NCALD: variants seen among roughly 807,000 people sequenced by gnomAD.
The protein encoded by NCALD is neurocalcin-delta.
In NCALD, 10 loss-of-function variants were observed where a neutral mutation model predicts 18.6. The observed-to-expected ratio is 0.54, with a 90% CI of 0.33 to 0.91. The LOEUF (loss-of-function observed/expected upper bound fraction) is 0.91, where lower values mean the gene tolerates loss of function less well. NCALD is among the 40% of genes least tolerant of loss of function. The probability of loss-of-function intolerance (pLI) is 0.03; values close to 1 mark genes in which losing one functional copy is unlikely to be tolerated. For missense variants in NCALD, 184 were observed against 247.6 expected (o/e 0.74, Z 1.72); for synonymous variants, 88 against 87.4 (o/e 1.01, Z -0.04).
intron 3 of NCALD, chr8:101,691,107 G>C: frequency 1.0e-6 from 1 of 985,292 alleles, no homozygotes; most frequent in Non-Finnish European, 1.2e-6. Flanking sequence ...CTCTGCTCTC[G>C]GCAGGGAGGG....
chr8:101,988,918 A>AAAC (rs1390679858), intron 2 of NCALD, among the ~76,000 whole-genome samples: 3 of 151,504 alleles, frequency 2.0e-5, no homozygotes, highest in African/African-American at 7.3e-5. Context: ...AAAAAAAAAA[A>AAAC]AAAAAACAGA....
intron 3 of NCALD, among the ~76,000 whole-genome samples, chr8:101,913,475 A>G (rs971113225): frequency 6.6e-6 from 1 of 152,218 alleles, no homozygotes. Flanking sequence ...CAAAATATCA[A>G]AATTCTTTTA....
intron 4 of NCALD, among the ~76,000 whole-genome samples, chr8:101,817,597 T>G (rs1586570341): frequency 6.7e-6 from 1 of 149,680 alleles, no homozygotes; most frequent in South Asian, 2.1e-4. Flanking sequence ...GGAAAGAGAC[T>G]GAATTGATAG....
chr8:101,941,160 C>T (rs1045732989), intron 2 of NCALD, among the ~76,000 whole-genome samples: 4 of 152,182 alleles, frequency 2.6e-5, no homozygotes, highest in African/African-American at 9.6e-5. Context: ...GACCAGTGGT[C>T]CCCAACCTTT....
chr8:102,061,593 T>C (rs1158650502), intron 1 of NCALD, among the ~76,000 whole-genome samples: 1 of 152,038 alleles, frequency 6.6e-6, no homozygotes, highest in Non-Finnish European at 1.5e-5. Flanking sequence ...CTCCATGAAA[T>C]AAGAAATGTG....
intron 3 of NCALD, among the ~76,000 whole-genome samples, chr8:101,901,103 C>T (rs914178489): frequency 3.9e-5 from 6 of 151,932 alleles, no homozygotes; most frequent in African/African-American, 1.2e-4. Flanking sequence ...TATAATATCT[C>T]TCTCTGTCCT....
intron 1 of NCALD, among the ~76,000 whole-genome samples, chr8:101,750,952 C>T (rs989596071): frequency 2.0e-5 from 3 of 152,122 alleles, no homozygotes; most frequent in African/African-American, 7.2e-5. Flanking sequence ...TAGGGTATAT[C>T]GCCTAAAAGG....
chr8:102,039,188 C>A (rs1586963060), intron 1 of NCALD, among the ~76,000 whole-genome samples: 1 of 152,128 alleles, frequency 6.6e-6, no homozygotes, highest in South Asian at 2.1e-4. Flanking sequence ...GAGGACCTAG[C>A]TAGCCTGTGC....
chr8:101,816,807 GATT>G (rs1813515429), intron 4 of NCALD, among the ~76,000 whole-genome samples: 1 of 152,252 alleles, frequency 6.6e-6, no homozygotes, highest in Admixed American at 6.5e-5. Context: ...GACTTTGGGT[GATT>G]ATGTGTCAAA....
At chr8:102,095,138 G>A (rs996368802) in intron 1 of NCALD, among the ~76,000 whole-genome samples, 6 of 152,178 alleles carry the variant, frequency 3.9e-5, no homozygotes, top group African/African-American at 1.4e-4. Context: ...ATAAAGTGAG[G>A]CCCATGTCAC....
intron 1 of NCALD, among the ~76,000 whole-genome samples, chr8:102,043,062 T>G (rs1823109672): frequency 6.6e-6 from 1 of 151,876 alleles, no homozygotes; most frequent in South Asian, 2.1e-4. Context: ...CAGCTGAGAT[T>G]TATCTTCAAT....
At chr8:101,768,715 C>CAAAAAA in intron 1 of NCALD, among the ~76,000 whole-genome samples, 1 of 33,398 alleles carries the variant, frequency 3.0e-5, no homozygotes, top group Non-Finnish European at 7.2e-5. Context: ...TCTCAAAAAA[C>CAAAAAA]AAAAAAACAA....
At chr8:102,109,303 T>G (rs1212261561) in intron 1 of NCALD, among the ~76,000 whole-genome samples, 1 of 151,896 alleles carries the variant, frequency 6.6e-6, no homozygotes, top group Non-Finnish European at 1.5e-5. Flanking sequence ...ATGAAAGGTT[T>G]TTTTTTTTTA....
intron 1 of NCALD, among the ~76,000 whole-genome samples, chr8:101,761,294 A>G (rs1034425876): frequency 2.0e-5 from 3 of 152,228 alleles, no homozygotes; most frequent in Non-Finnish European, 2.9e-5. Context: ...TGCTTTAACG[A>G]GGCATCCAAT....
intron 1 of NCALD, among the ~76,000 whole-genome samples, chr8:102,092,370 T>C (rs1160750983): frequency 6.6e-6 from 1 of 152,246 alleles, no homozygotes; most frequent in East Asian, 1.9e-4. Flanking sequence ...TCTTTATTCC[T>C]TTACTTTCCT....
chr8:102,036,135 A>T (rs1369084557), intron 1 of NCALD, among the ~76,000 whole-genome samples: 4 of 150,598 alleles, frequency 2.7e-5, no homozygotes, highest in Admixed American at 6.6e-5. Flanking sequence ...AAAAATAAAT[A>T]AATAAATAAA....
At chr8:101,959,138 T>C (rs1819744163) in intron 2 of NCALD, among the ~76,000 whole-genome samples, 1 of 152,208 alleles carries the variant, frequency 6.6e-6, no homozygotes, top group Non-Finnish European at 1.5e-5. Context: ...TGAATTGTCA[T>C]GGCTATTTAT....
intron 2 of NCALD, among the ~76,000 whole-genome samples, chr8:101,966,203 A>C (rs1007406172): frequency 5.9e-5 from 9 of 152,114 alleles, no homozygotes; most frequent in African/African-American, 2.2e-4. Context: ...AGAGAAAGAG[A>C]AAAGTTACCC....
rs2129905796 is a variant in NCALD at position 101,689,483 on chromosome 8, G to T, written c.485-77C>A. The T allele has an allele frequency of 4.3e-6, 5 of 1,152,826 alleles. No homozygotes were observed. The East Asian group carries it at 7.7e-5, about 18-fold the overall frequency. The allele number at this position is 1,152,826 out of a possible 1,614,324, so 71.4% of individuals were successfully genotyped here. On this transcript the variant is annotated intron_variant, in intron 3 of 3. Coordinates refer to ENST00000220931, the MANE Select transcript of NCALD (RefSeq NM_032041.3). This position sits in a 1 kb window ranked among gnomAD's most constrained non-coding sequence, Gnocchi z 4.4. ...TACACCCTTCCCACTACTGCGTGCT[G>T]GGCAGTGTCGATTCACCTGCCTGCA...
Sources: allele counts gnomAD v4.1 joint callset (sites outside exome capture counted in the v4.1 genomes callset), GRCh38; gene constraint gnomAD v4.1.1; non-coding constraint Gnocchi (gnomAD v3.1); transcripts MANE v1.5; gene names NCBI Gene and HGNC (gene_info 2026-07-23, HGNC 2026-07-21).